Variants in PTPRD observed in about 807,000 individuals in gnomAD.
PTPRD encodes the protein receptor-type tyrosine-protein phosphatase delta.
PTPRD carries 34 observed loss-of-function variants against 214.5 expected under a neutral mutation model. The ratio of observed to expected loss-of-function variants is 0.16; its 90% CI spans 0.12 to 0.21. The LOEUF (loss-of-function observed/expected upper bound fraction) is 0.21. Among genes scored for constraint, PTPRD ranks in the 10% least tolerant of loss-of-function variants. The pLI is 1.00. For synonymous variants in PTPRD, 1,128 were observed against 845.7 expected, an observed-to-expected ratio of 1.33 and a Z score of -5.79; for missense variants, 2,545 against 2,398.7, an observed-to-expected ratio of 1.06 and a Z score of -1.27.
chr9:8,794,675 C>T (rs888666888), intron 11 of PTPRD, among the ~76,000 whole-genome samples: 4 of 151,948 alleles, frequency 2.6e-5, no homozygotes, highest in Admixed American at 6.6e-5. Flanking sequence ...AACATAACTT[C>T]CCCCTAAAAT....
intron 2 of PTPRD, among the ~76,000 whole-genome samples, chr9:10,523,662 AAGAG>A (rs1196761087): frequency 2.8e-4 from 32 of 115,994 alleles, no homozygotes; most frequent in African/African-American, 5.3e-4. Flanking sequence ...GAGAGAAATA[AAGAG>A]AGAGAGAGAG....
intron 2 of PTPRD, among the ~76,000 whole-genome samples, chr9:10,527,831 T>G (rs1378266263): frequency 6.6e-6 from 1 of 152,174 alleles, no homozygotes; most frequent in Non-Finnish European, 1.5e-5. Context: ...TCATTCTGCC[T>G]AGTTCAAGAT....
At chr9:8,828,129 G>C (rs2097211426) in intron 11 of PTPRD, among the ~76,000 whole-genome samples, 1 of 152,172 alleles carries the variant, frequency 6.6e-6, no homozygotes, top group Non-Finnish European at 1.5e-5. Flanking sequence ...AGTACACAGA[G>C]CTTGATGGAA....
chr9:9,437,111 A>G (rs1588397784), intron 8 of PTPRD, among the ~76,000 whole-genome samples: 2 of 152,176 alleles, frequency 1.3e-5, no homozygotes, highest in East Asian at 3.9e-4. Context: ...ATTCACTGGG[A>G]CACTATATTC....
intron 2 of PTPRD, among the ~76,000 whole-genome samples, chr9:10,452,064 A>C (rs1184784333): frequency 1.3e-5 from 2 of 151,998 alleles, no homozygotes; most frequent in African/African-American, 4.8e-5. Flanking sequence ...CAGTTTCATC[A>C]GTGAGACTAG....
In PTPRD at chr9:10,188,956, T is replaced by C. The variant is rs549708302; in HGVS notation, c.-545+152007A>G. 4.6e-5 allele frequency among the ~76,000 whole-genome samples: 7 copies of C among 152,298 alleles called. No homozygotes were observed. In the South Asian group the frequency reaches 8.3e-4, roughly 18 times the overall value. Reference sequence around the variant, plus strand: ...GGGTCACTCAGTCTGCTGTAACCATTTGAAGGCTCAACTGTGGCTAGGTAG... The same window carrying C: ...GGGTCACTCAGTCTGCTGTAACCATCTGAAGGCTCAACTGTGGCTAGGTAG... On this transcript the variant is annotated intron_variant, in intron 3 of 45. Transcript: ENST00000381196.
intron 37 of PTPRD, among the ~76,000 whole-genome samples, chr9:8,381,732 C>T (rs1023764381): frequency 1.3e-5 from 2 of 152,296 alleles, no homozygotes; most frequent in Middle Eastern, 3.4e-3. Context: ...TTGAACCATT[C>T]GCACACTTTC....
intron 12 of PTPRD, among the ~76,000 whole-genome samples, chr9:8,717,292 G>A (rs1475464872): frequency 1.3e-5 from 2 of 152,152 alleles, no homozygotes; most frequent in Non-Finnish European, 2.9e-5. Context: ...TACACAAAGT[G>A]TATCCTCCCC....
intron 9 of PTPRD, among the ~76,000 whole-genome samples, chr9:9,225,410 A>G (rs529752957): frequency 5.3e-5 from 8 of 152,144 alleles, no homozygotes; most frequent in Non-Finnish European, 1.2e-4. Flanking sequence ...CACCTCTTAC[A>G]AGGAACACTA....
chr9:9,232,031 C>T (rs1213252132), intron 9 of PTPRD, among the ~76,000 whole-genome samples: 1 of 152,132 alleles, frequency 6.6e-6, no homozygotes, highest in Non-Finnish European at 1.5e-5. Flanking sequence ...TTCTATTTCA[C>T]ACTTCTTAAA....
At chr9:9,850,107 C>G (rs1015015789) in intron 5 of PTPRD, among the ~76,000 whole-genome samples, 1 of 152,098 alleles carries the variant, frequency 6.6e-6, no homozygotes, top group African/African-American at 2.4e-5. Context: ...AGATCCACCA[C>G]CCAAATCACT....
At chr9:10,470,683 C>G (rs936353703) in intron 2 of PTPRD, among the ~76,000 whole-genome samples, 1 of 152,056 alleles carries the variant, frequency 6.6e-6, no homozygotes, top group Non-Finnish European at 1.5e-5. Flanking sequence ...TAGCTCCCTT[C>G]TCCCCAGTTG....
chr9:9,333,669 T>C (rs2043261576), intron 9 of PTPRD, among the ~76,000 whole-genome samples: 2 of 151,620 alleles, frequency 1.3e-5, no homozygotes, highest in South Asian at 4.1e-4. Context: ...CCATGTAATC[T>C]TGAACGTGCC....
intron 5 of PTPRD, among the ~76,000 whole-genome samples, chr9:9,778,772 G>T (rs1363758024): frequency 6.6e-6 from 1 of 151,988 alleles, no homozygotes; most frequent in Non-Finnish European, 1.5e-5. Flanking sequence ...ATGTTCTGGT[G>T]CCTCCAGGCT....
At chr9:9,426,689 G>A (rs981075500) in intron 8 of PTPRD, among the ~76,000 whole-genome samples, 1 of 152,102 alleles carries the variant, frequency 6.6e-6, no homozygotes, top group Non-Finnish European at 1.5e-5. Context: ...ATCTGGCTGG[G>A]TGCCCCTCTG....
intron 3 of PTPRD, among the ~76,000 whole-genome samples, chr9:10,070,281 G>A (rs547415329): frequency 6.6e-6 from 1 of 151,894 alleles, no homozygotes; most frequent in African/African-American, 2.4e-5. Flanking sequence ...CCTCATTACT[G>A]TTTATCTTAA....
At chr9:9,620,622 T>C (rs1473954455) in intron 7 of PTPRD, among the ~76,000 whole-genome samples, 1 of 152,204 alleles carries the variant, frequency 6.6e-6, no homozygotes, top group Non-Finnish European at 1.5e-5. Flanking sequence ...GTTTGACCTT[T>C]CAACATCAAT....
intron 11 of PTPRD, among the ~76,000 whole-genome samples, chr9:9,014,547 G>C (rs1049945896): frequency 2.0e-5 from 3 of 152,114 alleles, no homozygotes; most frequent in Non-Finnish European, 4.4e-5. Flanking sequence ...TTTGTCTAGA[G>C]ATTCCTTGCC....
At position 10,339,208 on chromosome 9, in the gene PTPRD, A is replaced by T. The variant is rs538873460; in HGVS notation, c.-545+1755T>A. ...ATTGGTCATCTAACATTAGGGCAGA[A>T]AATTTTCAGACCACTTTCTTCTATA... On this transcript the variant is annotated intron_variant, in intron 3 of 45. Coordinates refer to ENST00000381196, the MANE Select transcript of PTPRD (RefSeq NM_002839.4). Among the ~76,000 whole-genome samples the T allele has an allele frequency of 2.0e-5, 3 of 151,882 alleles. No individual in the cohort carries two copies. In the South Asian group the frequency reaches 6.2e-4, roughly 31 times the overall value.
Sources: gnomAD v4.1 joint callset for allele counts (sites outside exome capture counted in the v4.1 genomes callset) on GRCh38, gnomAD v4.1.1 for gene constraint, MANE v1.5 for transcripts, NCBI Gene and HGNC (gene_info 2026-07-23, HGNC 2026-07-21) for gene names.